The following SLC25A21 variants were observed in gnomAD, a reference collection of about 807,000 sequenced individuals.
SLC25A21 encodes the protein mitochondrial 2-oxodicarboxylate carrier.
A neutral mutation model predicts 43.8 loss-of-function variants in SLC25A21; 47 were observed. The ratio of observed to expected loss-of-function variants is 1.07; its 90% CI spans 0.85 to 1.37. SLC25A21 has a LOEUF of 1.37. SLC25A21 is among the 40% of genes most tolerant of loss of function. The pLI, the probability that SLC25A21 is intolerant of heterozygous loss-of-function variation, is 0.00. For synonymous variants in SLC25A21, 131 were observed against 121.3 expected (o/e 1.08, Z -0.52); for missense variants, 352 against 350.2 (o/e 1.00, Z -0.04).
At chr14:36,996,723 G>C (rs1326145810) in intron 1 of SLC25A21, among the ~76,000 whole-genome samples, 3 of 152,152 alleles carry the variant, frequency 2.0e-5, no homozygotes, top group African/African-American at 7.2e-5. Context: ...GAGAGGGAGA[G>C]TGGCCTTAGA....
At chr14:36,791,731 T>C (rs766013802) in intron 3 of SLC25A21, among the ~76,000 whole-genome samples, 3 of 152,276 alleles carry the variant, frequency 2.0e-5, no homozygotes, top group Non-Finnish European at 4.4e-5. Context: ...AGAAGCCAGT[T>C]ATAGGGGATT....
At chr14:36,981,362 T>C (rs983990272) in intron 1 of SLC25A21, among the ~76,000 whole-genome samples, 1 of 152,204 alleles carries the variant, frequency 6.6e-6, no homozygotes, top group Non-Finnish European at 1.5e-5. Flanking sequence ...GATTATAAAT[T>C]ATGCTACTAT....
At chr14:36,744,755 A>G (rs1260819192) in intron 3 of SLC25A21, among the ~76,000 whole-genome samples, 2 of 152,156 alleles carry the variant, frequency 1.3e-5, no homozygotes, top group Non-Finnish European at 2.9e-5. Flanking sequence ...AACAATGCAT[A>G]TGATAAAGTG....
intron 1 of SLC25A21, among the ~76,000 whole-genome samples, chr14:36,994,195 C>CTTG (rs1385999581): frequency 2.0e-5 from 3 of 152,134 alleles, no homozygotes; most frequent in African/African-American, 7.2e-5. Context: ...CCCCAAACTA[C>CTTG]TTGTTACCTG....
chr14:37,138,580 T>C (rs919833474), intron 1 of SLC25A21, among the ~76,000 whole-genome samples: 37 of 152,258 alleles, frequency 2.4e-4, no homozygotes, highest in African/African-American at 8.9e-4. Flanking sequence ...CATTTGTTCA[T>C]ATACATTAAT....
At chr14:36,843,106 C>T (rs1472491055) in intron 2 of SLC25A21, among the ~76,000 whole-genome samples, 1 of 152,160 alleles carries the variant, frequency 6.6e-6, no homozygotes, top group East Asian at 1.9e-4. Flanking sequence ...GGTGGTAATG[C>T]TCATTCACCT....
intron 1 of SLC25A21, among the ~76,000 whole-genome samples, chr14:36,980,386 T>C (rs1052703012): frequency 1.3e-5 from 2 of 152,228 alleles, no homozygotes; most frequent in Admixed American, 6.5e-5. Context: ...GGTACACCAA[T>C]CAGATGTAGA....
chr14:37,045,499 A>T (rs1328859981), intron 1 of SLC25A21, among the ~76,000 whole-genome samples: 1 of 152,232 alleles, frequency 6.6e-6, no homozygotes, highest in East Asian at 1.9e-4. Flanking sequence ...TTCTTCGAGA[A>T]CCACAAAGTA....
rs1566587278 is a variant in SLC25A21 at position 36,764,025 on chromosome 14, T to TTAAA, written c.204-29453_204-29452insTTTA. Among the ~76,000 whole-genome samples, 30 of 71,964 alleles carry TTAAA rather than the reference T, an allele frequency of 4.2e-4. 6 individuals are homozygous for TTAAA. The East Asian group carries it at 5.1e-3, about 12-fold the overall frequency. The allele number at this position is 71,964 out of a possible 152,430, so 47.2% of individuals were successfully genotyped here. Reference sequence around the variant, plus strand: ...GCCTGGGTGACAGAGCAAGACTCTGTGAAAGAAAGAAAAAGAAAGAAAGAA... The same window carrying TTAAA: ...GCCTGGGTGACAGAGCAAGACTCTGTTAAAGAAAGAAAGAAAAAGAAAGAAAGAA... On this transcript the variant is annotated intron_variant, in intron 3 of 9. Coordinates refer to ENST00000331299, the MANE Select transcript of SLC25A21 (RefSeq NM_030631.4).
At chr14:36,988,785 G>A (rs1960200882) in intron 1 of SLC25A21, among the ~76,000 whole-genome samples, 1 of 152,170 alleles carries the variant, frequency 6.6e-6, no homozygotes, top group Non-Finnish European at 1.5e-5. Flanking sequence ...GTGGTTCATA[G>A]GTTCTGGAAT....
intron 1 of SLC25A21, among the ~76,000 whole-genome samples, chr14:36,987,461 A>G (rs761051966): frequency 2.6e-5 from 4 of 152,252 alleles, no homozygotes; most frequent in Non-Finnish European, 5.9e-5. Context: ...TTATAATCCT[A>G]CTACGTAGAG....
At chr14:36,714,503 A>G (rs535108351) in intron 6 of SLC25A21, among the ~76,000 whole-genome samples, 1 of 152,302 alleles carries the variant, frequency 6.6e-6, no homozygotes, top group African/African-American at 2.4e-5. Context: ...CAAGGTGAGT[A>G]CCCTGGCTAA....
At chr14:37,005,659 CA>C (rs1960587134) in intron 1 of SLC25A21, among the ~76,000 whole-genome samples, 1 of 151,986 alleles carries the variant, frequency 6.6e-6, no homozygotes, top group Non-Finnish European at 1.5e-5. Flanking sequence ...TATGGATCAA[CA>C]TATTGTATAT....
chr14:37,170,921 C>CA (rs200682158), intron 1 of SLC25A21, among the ~76,000 whole-genome samples: 7,248 of 41,512 alleles, frequency 0.17, 363 homozygotes, highest in Admixed American at 0.37. Context: ...CCCGTCTCTA[C>CA]AAAAAAAATT....
chr14:37,009,968 C>T (rs1288905719), intron 1 of SLC25A21, among the ~76,000 whole-genome samples: 1 of 152,160 alleles, frequency 6.6e-6, no homozygotes, highest in Non-Finnish European at 1.5e-5. Flanking sequence ...ATCTAGGTGG[C>T]ATATGCAAGT....
At chr14:36,785,059 G>A (rs1887198579) in intron 3 of SLC25A21, among the ~76,000 whole-genome samples, 1 of 152,116 alleles carries the variant, frequency 6.6e-6, no homozygotes, top group Admixed American at 6.6e-5. Context: ...GGTAGCCAGG[G>A]GAAGACAGTC....
chr14:36,695,236 T>A (rs1882965722), intron 7 of SLC25A21, among the ~76,000 whole-genome samples: 1 of 152,208 alleles, frequency 6.6e-6, no homozygotes, highest in Non-Finnish European at 1.5e-5. Context: ...TGTGGTGTTA[T>A]TTCTGAGGCC....
chr14:36,886,670 A>C (rs945201656), intron 1 of SLC25A21, among the ~76,000 whole-genome samples: 1 of 152,326 alleles, frequency 6.6e-6, no homozygotes, highest in African/African-American at 2.4e-5. Context: ...AAAATAAGTG[A>C]GTTTTTTTTA....
intron 1 of SLC25A21, among the ~76,000 whole-genome samples, chr14:36,978,696 T>C (rs758141497): frequency 2.0e-5 from 3 of 152,206 alleles, no homozygotes; most frequent in Non-Finnish European, 4.4e-5. Context: ...AATACTATAA[T>C]TACTTAACTT....
Sources: allele counts gnomAD v4.1 joint callset (sites outside exome capture counted in the v4.1 genomes callset), GRCh38; gene constraint gnomAD v4.1.1; transcripts MANE v1.5; gene names NCBI Gene and HGNC (gene_info 2026-07-23, HGNC 2026-07-21).